The following PCDH11Y variants were observed in gnomAD, a reference collection of about 807,000 sequenced individuals.
The protein encoded by PCDH11Y is protocadherin-11 Y-linked.
For synonymous variants in PCDH11Y, 9 were observed against 83.6 expected, an observed-to-expected ratio of 0.11 and a Z score of 4.87; for missense variants, 12 against 224.8, an observed-to-expected ratio of 0.05 and a Z score of 6.05.
intron 2 of PCDH11Y, among the ~76,000 whole-genome samples, chrY:5,287,421 T>C: frequency 3.0e-5 from 1 of 33,191 alleles, no homozygotes; most frequent in African/African-American, 1.2e-4. Context: ...CATTATTGAG[T>C]ATATAACCAA....
In PCDH11Y at chrY:5,350,119, T is replaced by G. The variant is rs1207770353; in HGVS notation, c.3130-150938T>G. ...GTGAGTTCCTTATATGGAACTTTCTTGAAGTGAACTAAATTATTTTTGACC... is the reference window on the plus strand; with the variant it reads ...GTGAGTTCCTTATATGGAACTTTCTGGAAGTGAACTAAATTATTTTTGACC... On this transcript the variant is annotated intron_variant, in intron 2 of 4. Transcript: ENST00000400457. Among the ~76,000 whole-genome samples the G allele has an allele frequency of 1.2e-4, 4 of 33,143 alleles. No homozygotes were observed. In the East Asian group the frequency reaches 3.2e-3, roughly 26 times the overall value. The allele number at this position is 33,143 out of a possible 37,273, so 88.9% of individuals were successfully genotyped here.
intron 2 of PCDH11Y, among the ~76,000 whole-genome samples, chrY:5,472,547 T>C: frequency 3.1e-5 from 1 of 32,532 alleles, no homozygotes; most frequent in Non-Finnish European, 7.6e-5. Flanking sequence ...TTATTTATTT[T>C]ATTCATTTGA....
At chrY:5,408,000 C>G in intron 2 of PCDH11Y, among the ~76,000 whole-genome samples, 1 of 30,279 alleles carries the variant, frequency 3.3e-5, no homozygotes, top group Non-Finnish European at 7.9e-5. Flanking sequence ...ACATCTTTGT[C>G]TCTTCTGTTA....
intron 2 of PCDH11Y, among the ~76,000 whole-genome samples, chrY:5,385,033 G>A: frequency 1.7e-4 from 5 of 29,550 alleles, no homozygotes; most frequent in Non-Finnish European, 4.0e-4. Flanking sequence ...AACAATGGCC[G>A]TTCATACATT....
chrY:5,493,165 G>A, intron 2 of PCDH11Y, among the ~76,000 whole-genome samples: 4 of 33,146 alleles, frequency 1.2e-4, no homozygotes, highest in East Asian at 7.8e-4. Context: ...TGATCCAAGC[G>A]TTTATGCCAT....
chrY:5,081,867 T>C (rs2124632167), intron 1 of PCDH11Y, among the ~76,000 whole-genome samples: 1 of 31,028 alleles, frequency 3.2e-5, no homozygotes, highest in Admixed American at 3.0e-4. Flanking sequence ...TATTTCTTTC[T>C]CTTGCCTGAT....
At chrY:5,187,420 A>G in intron 2 of PCDH11Y, among the ~76,000 whole-genome samples, 2 of 32,092 alleles carry the variant, frequency 6.2e-5, no homozygotes, top group Non-Finnish European at 1.5e-4. Context: ...AGGCATTTAC[A>G]TATATCTTTT....
At chrY:5,436,066 T>C (rs2053274961) in intron 2 of PCDH11Y, among the ~76,000 whole-genome samples, 1 of 34,108 alleles carries the variant, frequency 2.9e-5, no homozygotes, top group African/African-American at 1.1e-4. Context: ...AGCTTTCACA[T>C]AAGTGCACGT....
chrY:5,491,515 G>A, intron 2 of PCDH11Y, among the ~76,000 whole-genome samples: 1 of 33,050 alleles, frequency 3.0e-5, no homozygotes, highest in African/African-American at 1.2e-4. Flanking sequence ...TGGCAGGGCT[G>A]AAAGAGCTGT....
chrY:5,613,065 C>T (rs1602951514), intron 4 of PCDH11Y, among the ~76,000 whole-genome samples: 2 of 31,220 alleles, frequency 6.4e-5, no homozygotes, highest in African/African-American at 2.5e-4. Flanking sequence ...GGGGTTTCAC[C>T]GTGTTGCCCA....
chrY:5,034,570 A>G (rs2052596181), intron 3 of PCDH11Y, among the ~76,000 whole-genome samples: 1 of 33,131 alleles, frequency 3.0e-5, no homozygotes, highest in Admixed American at 2.8e-4. Context: ...CAGCCCATTC[A>G]GTTCAAAACA....
chrY:5,314,037 G>T (rs2124664917), intron 2 of PCDH11Y, among the ~76,000 whole-genome samples: 1 of 33,603 alleles, frequency 3.0e-5, no homozygotes, highest in African/African-American at 1.2e-4. Flanking sequence ...AATCTCTCAT[G>T]GTCTCTTGAA....
chrY:5,017,563 T>C, intron 1 of PCDH11Y, among the ~76,000 whole-genome samples: 1 of 33,142 alleles, frequency 3.0e-5, no homozygotes, highest in Non-Finnish European at 7.5e-5. Flanking sequence ...TTATCTCTTC[T>C]AGATATAGCT....
intron 2 of PCDH11Y, among the ~76,000 whole-genome samples, chrY:5,280,948 T>C: frequency 3.0e-5 from 1 of 33,151 alleles, no homozygotes; most frequent in African/African-American, 1.2e-4. Context: ...CACTTTTTAA[T>C]AAAATTGTTT....
chrY:5,347,380 G>A, intron 2 of PCDH11Y, among the ~76,000 whole-genome samples: 5 of 32,892 alleles, frequency 1.5e-4, no homozygotes, highest in African/African-American at 5.9e-4. Flanking sequence ...GAACCTGGGA[G>A]GTGAAGGTTC....
chrY:5,109,179 T>C, downstream of PCDH11Y, among the ~76,000 whole-genome samples: 1 of 33,034 alleles, frequency 3.0e-5, no homozygotes, highest in Non-Finnish European at 7.5e-5. Flanking sequence ...TTCTTGCATA[T>C]AATTAGTATT....
intron 4 of PCDH11Y, among the ~76,000 whole-genome samples, chrY:5,653,436 A>C: frequency 3.0e-5 from 1 of 33,359 alleles, no homozygotes; most frequent in East Asian, 8.1e-4. Context: ...TGGAGCTGAA[A>C]ACCATGGCAC....
intron 2 of PCDH11Y, among the ~76,000 whole-genome samples, chrY:5,456,462 C>T: frequency 3.0e-5 from 1 of 33,103 alleles, no homozygotes; most frequent in Non-Finnish European, 7.4e-5. Flanking sequence ...AACCTAGCAA[C>T]CCCATTACTG....
chrY:5,320,542 G>T, intron 2 of PCDH11Y, among the ~76,000 whole-genome samples: 1 of 33,500 alleles, frequency 3.0e-5, no homozygotes, highest in Non-Finnish European at 7.4e-5. Context: ...TAGAAACAAA[G>T]TTAAGGTGTT....
Sources: allele counts gnomAD v4.1 joint callset (sites outside exome capture counted in the v4.1 genomes callset), GRCh38; gene constraint gnomAD v4.1.1; transcripts MANE v1.5; gene names NCBI Gene and HGNC (gene_info 2026-07-23, HGNC 2026-07-21).